ST8SIA6: variants seen among roughly 807,000 people sequenced by gnomAD.
ST8SIA6 encodes alpha-2,8-sialyltransferase 8F.
ST8SIA6 carries 39 observed loss-of-function variants against 33.6 expected under a neutral mutation model. The observed-to-expected ratio is 1.16, with a 90% CI of 0.90 to 1.52. The LOEUF is 1.52. Ranked by LOEUF, ST8SIA6 falls within the 40% of genes most tolerant of loss-of-function variation. The probability of loss-of-function intolerance (pLI) is 0.00; values close to 1 mark genes in which losing one functional copy is unlikely to be tolerated. For synonymous variants in ST8SIA6, 172 were observed against 167.2 expected, an observed-to-expected ratio of 1.03 and a Z score of -0.22; for missense variants, 441 against 443.8, an observed-to-expected ratio of 0.99 and a Z score of 0.06.
chr10:17,390,946 C>A (rs1468843545), intron 2 of ST8SIA6, among the ~76,000 whole-genome samples: 1 of 151,822 alleles, frequency 6.6e-6, no homozygotes, highest in African/African-American at 2.4e-5. Context: ...GCAACCTCCA[C>A]CTCCCTGGTT....
At chr10:17,365,469 TAAAC>T (rs942668933) in intron 3 of ST8SIA6, among the ~76,000 whole-genome samples, 9 of 152,300 alleles carry the variant, frequency 5.9e-5, no homozygotes, top group Admixed American at 6.5e-5. Context: ...CTTCCAGAAA[TAAAC>T]AATTCATAAG....
intron 3 of ST8SIA6, among the ~76,000 whole-genome samples, chr10:17,380,656 T>C (rs867793370): frequency 6.6e-6 from 1 of 152,206 alleles, no homozygotes; most frequent in Non-Finnish European, 1.5e-5. Context: ...AGCTGAAATA[T>C]GGTAATAAGA....
chr10:17,428,142 C>T (rs4747307), intron 2 of ST8SIA6, among the ~76,000 whole-genome samples: 10,041 of 152,252 alleles, frequency 0.066, 484 homozygotes, highest in African/African-American at 0.12. Flanking sequence ...TCCCTCAATG[C>T]CCATTTCTTT....
intron 4 of ST8SIA6, among the ~76,000 whole-genome samples, chr10:17,355,034 A>G (rs531779688): frequency 7.7e-4 from 117 of 152,332 alleles, no homozygotes; most frequent in African/African-American, 2.6e-3. Flanking sequence ...GAATCTATAA[A>G]AAGAGGACAA....
At chr10:17,447,253 A>G (rs1452165391) in intron 2 of ST8SIA6, among the ~76,000 whole-genome samples, 1 of 151,772 alleles carries the variant, frequency 6.6e-6, no homozygotes, top group Non-Finnish European at 1.5e-5. Context: ...TATCTTTATA[A>G]AAATTAGCTA....
chr10:17,423,380 C>T (rs1380220609), intron 2 of ST8SIA6, among the ~76,000 whole-genome samples: 1 of 152,180 alleles, frequency 6.6e-6, no homozygotes, highest in African/African-American at 2.4e-5. Context: ...CTGCACATAA[C>T]TTAATATTCC....
intron 3 of ST8SIA6, among the ~76,000 whole-genome samples, chr10:17,389,572 G>C (rs1164280635): frequency 6.6e-6 from 1 of 152,068 alleles, no homozygotes; most frequent in African/African-American, 2.4e-5. Flanking sequence ...TGGAGCACTT[G>C]GATTTCCTTT....
intron 2 of ST8SIA6, among the ~76,000 whole-genome samples, chr10:17,412,142 C>G (rs572667921): frequency 3.3e-5 from 5 of 152,034 alleles, no homozygotes; most frequent in Admixed American, 6.6e-5. Context: ...TTTGGGGATC[C>G]CTCTTGACCA....
chr10:17,370,389 T>C (rs1417904132), intron 3 of ST8SIA6, among the ~76,000 whole-genome samples: 1 of 152,202 alleles, frequency 6.6e-6, no homozygotes, highest in Non-Finnish European at 1.5e-5. Flanking sequence ...TTGCTGTATG[T>C]TTCATATTCT....
At chr10:17,344,227 C>A (rs998141621) in intron 4 of ST8SIA6, among the ~76,000 whole-genome samples, 2 of 152,348 alleles carry the variant, frequency 1.3e-5, no homozygotes, top group Admixed American at 6.5e-5. Flanking sequence ...CAGTCACTGT[C>A]ACAAGACATG....
chr10:17,361,394 G>A (rs1202646732), intron 3 of ST8SIA6, among the ~76,000 whole-genome samples: 1 of 151,870 alleles, frequency 6.6e-6, no homozygotes, highest in African/African-American at 2.4e-5. Flanking sequence ...GGTGACTTAG[G>A]TGCAGTGGAG....
intron 6 of ST8SIA6, among the ~76,000 whole-genome samples, chr10:17,323,993 A>G (rs1185047671): frequency 6.6e-6 from 1 of 152,178 alleles, no homozygotes; most frequent in African/African-American, 2.4e-5. Context: ...GTTTTAATAA[A>G]TAAAATCCTA....
intron 5 of ST8SIA6, among the ~76,000 whole-genome samples, chr10:17,328,894 GT>G (rs2131582230): frequency 6.6e-6 from 1 of 152,272 alleles, no homozygotes; most frequent in South Asian, 2.1e-4. Flanking sequence ...TAAAGCATTG[GT>G]AACTAAAAAT....
At chr10:17,376,192 T>C (rs1415483486) in intron 3 of ST8SIA6, among the ~76,000 whole-genome samples, 2 of 152,184 alleles carry the variant, frequency 1.3e-5, no homozygotes, top group African/African-American at 2.4e-5. Flanking sequence ...CAGTATCCGC[T>C]TTCTCTTTAT....
chr10:17,406,574 C>T (rs1289839141), intron 2 of ST8SIA6, among the ~76,000 whole-genome samples: 1 of 152,166 alleles, frequency 6.6e-6, no homozygotes, highest in Non-Finnish European at 1.5e-5. Context: ...TCTGTCCCAA[C>T]TACAAACGTA....
At chr10:17,365,586 G>C (rs1198990059) in intron 3 of ST8SIA6, among the ~76,000 whole-genome samples, 1 of 152,158 alleles carries the variant, frequency 6.6e-6, no homozygotes, top group Non-Finnish European at 1.5e-5. Context: ...GATCCACCCT[G>C]TCTGTGCCAC....
chr10:17,375,799 C>T (rs1849895243), intron 3 of ST8SIA6, among the ~76,000 whole-genome samples: 1 of 152,110 alleles, frequency 6.6e-6, no homozygotes, highest in African/African-American at 2.4e-5. Context: ...CATCTCAGTC[C>T]CTTACTAGAG....
Position 17,454,219 on chromosome 10 carries a change from TGGCGAGCAG to T in ST8SIA6, c.28_36del (p.Leu10_Ala12del). ...CGCAGCAGCAGCAGCAGCAGCAGGCTGGCGAGCAGGGCGAGCAGTGCGCCCCCCGGCCGC... is the reference window on the plus strand; with the variant it reads ...CGCAGCAGCAGCAGCAGCAGCAGGCTGGCGAGCAGTGCGCCCCCCGGCCGC... On this transcript the variant is annotated inframe_deletion, in exon 1 of 8. Transcript: ENST00000377602. The surrounding 1 kb of genome is among the most constrained non-coding windows in gnomAD (Gnocchi z 4.1). 1 of 270,234 alleles carries T rather than the reference TGGCGAGCAG, an allele frequency of 3.7e-6. No individual in the cohort carries two copies. Among genetic ancestry groups the T allele is most frequent in the Non-Finnish European group, 6.8e-6 (1 of 146,292 alleles). The allele number at this position is 270,234 out of a possible 1,614,324, so 16.7% of individuals were successfully genotyped here.
intron 2 of ST8SIA6, among the ~76,000 whole-genome samples, chr10:17,403,274 G>A (rs1445520714): frequency 6.6e-6 from 1 of 152,218 alleles, no homozygotes; most frequent in African/African-American, 2.4e-5. Context: ...GTGTGCAAAA[G>A]TGGGACCCTA....
Sources: allele counts gnomAD v4.1 joint callset (sites outside exome capture counted in the v4.1 genomes callset), GRCh38; gene constraint gnomAD v4.1.1; non-coding constraint Gnocchi (gnomAD v3.1); transcripts MANE v1.5; gene names NCBI Gene and HGNC (gene_info 2026-07-23, HGNC 2026-07-21).